MAP4: variants seen among roughly 807,000 people sequenced by gnomAD.
MAP4 encodes the protein microtubule-associated protein 4.
A neutral mutation model predicts 170.2 loss-of-function variants in MAP4; 76 were observed. The observed-to-expected ratio is 0.45, with a 90% confidence interval of 0.37 to 0.54. The LOEUF (loss-of-function observed/expected upper bound fraction) is 0.54, where lower values mean the gene tolerates loss of function less well. MAP4 is among the 20% of genes least tolerant of loss of function. The pLI, the probability that MAP4 is intolerant of heterozygous loss-of-function variation, is 0.00. For synonymous variants in MAP4, 909 were observed against 994.5 expected (o/e 0.91, Z 1.62); for missense variants, 2,506 against 2,748.0 (o/e 0.91, Z 1.97).
rs146851072 is a variant in MAP4 at position 47,916,003 on chromosome 3, T to C, written c.1824A>G (p.Glu608=). The stretch of plus-strand genomic sequence containing the variant: ...CTGACTGCCCCACATCCTGCAGAGA[T>C]TCTAAATGGGAATCCTCACTTATTC... ...QKGISEDSHL[E]SLQDVGQSAA... is the part of the protein sequence containing the mutation. The change falls in exon 7 of 21, where the codon GAA becomes GAG. Residue 608 remains glutamate (E), a synonymous_variant. Transcript: ENST00000683076. The C allele has an allele frequency of 1.2e-6, 2 of 1,614,074 alleles. No individual in the cohort carries two copies. The highest frequency in any genetic ancestry group is 1.7e-6 in the Non-Finnish European group (2 of 1,180,014).
rs1491497294 is a variant in MAP4 at position 47,897,950 on chromosome 3, G to GGGA, written c.5434+4999_5434+5000insTCC. 4.2e-4 allele frequency among the ~76,000 whole-genome samples: 56 copies of GGGA among 134,574 alleles called. 2 individuals are homozygous for GGGA. The highest frequency in any genetic ancestry group is 1.5e-3 in the African/African-American group (53 of 34,576). 88.3% of individuals were successfully genotyped at this position (134,574 alleles called of 152,430 possible). Reference sequence around the variant, plus strand: ...GAGTGAGACTCCATATCGGGGGGGGGAAAAAAAAAAAAGAAAGAATGGTCC... The same window carrying GGGA: ...GAGTGAGACTCCATATCGGGGGGGGGGGAAAAAAAAAAAAAGAAAGAATGGTCC... On this transcript the variant is annotated intron_variant, in intron 10 of 20. Transcript: ENST00000683076.
chr3:48,033,394 A>T (rs2100117172), intron 1 of MAP4, among the ~76,000 whole-genome samples: 1 of 152,178 alleles, frequency 6.6e-6, no homozygotes, highest in African/African-American at 2.4e-5. Context: ...TACAGTTAGT[A>T]TCTATGATGT....
chr3:47,869,756 G>T (rs2087859756), intron 15 of MAP4, among the ~76,000 whole-genome samples: 1 of 152,076 alleles, frequency 6.6e-6, no homozygotes, highest in Admixed American at 6.6e-5. Context: ...AGACTCTTTA[G>T]GTATGTTGAA....
At chr3:47,988,591 T>A (rs2100090341) in intron 2 of MAP4, among the ~76,000 whole-genome samples, 1 of 152,164 alleles carries the variant, frequency 6.6e-6, no homozygotes, top group Admixed American at 6.5e-5. Flanking sequence ...GAAAGTGAAA[T>A]ATTTTACAAA....
At chr3:48,047,998 G>T (rs2100125487) in intron 1 of MAP4, among the ~76,000 whole-genome samples, 1 of 152,170 alleles carries the variant, frequency 6.6e-6, no homozygotes, top group African/African-American at 2.4e-5. Context: ...CATCTACTTG[G>T]AAGGCTGAGA....
chr3:47,997,689 A>C (rs1392889738), intron 2 of MAP4, among the ~76,000 whole-genome samples: 1 of 151,966 alleles, frequency 6.6e-6, no homozygotes, highest in African/African-American at 2.4e-5. Flanking sequence ...CAATTGATAA[A>C]CCTCTACCTA....
intron 1 of MAP4, among the ~76,000 whole-genome samples, chr3:48,036,135 C>T (rs1300691118): frequency 6.6e-6 from 1 of 152,190 alleles, no homozygotes; most frequent in East Asian, 1.9e-4. Flanking sequence ...TGGCACAACT[C>T]TTAATTTACT....
At position 48,072,048 on chromosome 3, in the gene MAP4, C is replaced by A. The variant is rs190002273; in HGVS notation, c.-20+16725G>T. ...CCAGCCTGGCTACTAAAAACATAAA[C>A]ATTAGCCAGGCATGGTGACATGCGC... On this transcript the variant is annotated intron_variant, in intron 1 of 18. Coordinates refer to the MAP4 transcript ENST00000360240. Among the ~76,000 whole-genome samples the A allele has an allele frequency of 4.1e-3, 621 of 151,942 alleles. 5 individuals carry two copies. Among genetic ancestry groups the A allele is most frequent in the African/African-American group, 0.014 (593 of 41,424 alleles).
rs1360525714 is a variant in MAP4, at chr3:47,916,339, T to C, written c.1488A>G (p.Thr496=). 6.2e-7 allele frequency: 1 copy of C among 1,614,146 alleles called. No individual in the cohort carries two copies. The highest frequency in any genetic ancestry group is 8.5e-7 in the Non-Finnish European group (1 of 1,180,052). The stretch of plus-strand genomic sequence containing the variant: ...CCTTCAACAAGCCCACTTCTTTTAC[T>C]GTGGACGGAGCCACATCCTTGGCCG... The part of the protein sequence containing the change: ...IAPAKDVAPS[T]VKEVGLLKDM... The change falls in exon 7 of 21, where the codon ACA becomes ACG. Residue 496 remains threonine, a synonymous_variant. Coordinates refer to ENST00000683076, the MANE Select transcript of MAP4 (RefSeq NM_001385682.1).
At chr3:48,074,109 C>T (rs2100142411) in intron 1 of MAP4, among the ~76,000 whole-genome samples, 1 of 151,910 alleles carries the variant, frequency 6.6e-6, no homozygotes, top group Non-Finnish European at 1.5e-5. Context: ...ACATATACAC[C>T]ATGGAACACT....
chr3:48,050,447 T>A (rs2154548543), intron 1 of MAP4, among the ~76,000 whole-genome samples: 1 of 151,682 alleles, frequency 6.6e-6, no homozygotes, highest in South Asian at 2.1e-4. Context: ...GAAATCCAAA[T>A]AATAAATGTG....
At chr3:48,055,503 G>C (rs1453621250) in intron 1 of MAP4, among the ~76,000 whole-genome samples, 2 of 147,746 alleles carry the variant, frequency 1.4e-5, no homozygotes, top group Non-Finnish European at 3.0e-5. Context: ...CGTTCACTCA[G>C]TGCTCAATGG....
intron 1 of MAP4, among the ~76,000 whole-genome samples, chr3:48,026,722 C>T (rs967085805): frequency 6.6e-6 from 1 of 152,062 alleles, no homozygotes; most frequent in African/African-American, 2.4e-5. Context: ...TTAAGTTATG[C>T]CATTATCTTA....
At chr3:47,972,237 G>A (rs1482106776) in intron 3 of MAP4, among the ~76,000 whole-genome samples, 2 of 152,174 alleles carry the variant, frequency 1.3e-5, no homozygotes, top group Admixed American at 6.5e-5. Flanking sequence ...AGGGAACTGC[G>A]CATTTTGTTG....
In MAP4 at chr3:47,987,407, T is replaced by C. The variant is rs916764975; in HGVS notation, c.224-9474A>G. 10 of 1,533,080 alleles carry C rather than the reference T, an allele frequency of 6.5e-6. No individual in the cohort carries two copies. The African/African-American group carries it at 1.2e-4, about 19-fold the overall frequency. The allele number at this position is 1,533,080 out of a possible 1,614,324, so 95.0% of individuals were successfully genotyped here. A position where few individuals can be genotyped will look rare whatever the true frequency, so the allele number is the denominator to read the frequency against. ...CCAAGAGGAAGATGAAAAGAAAGGC[T>C]GGCAGGGTGTGGGGGTAGTGGGAGG... On this transcript the variant is annotated intron_variant, in intron 2 of 20. Coordinates refer to ENST00000683076, the MANE Select transcript of MAP4 (RefSeq NM_001385682.1).
chr3:47,914,295 C>T (rs1052021542), intron 8 of MAP4, among the ~76,000 whole-genome samples: 3 of 152,096 alleles, frequency 2.0e-5, no homozygotes, highest in Admixed American at 6.5e-5. Context: ...CGGTCGCTCA[C>T]GCCTGTAATC....
chr3:48,085,191 TAAAAAAA>T (rs896066878), intron 1 of MAP4, among the ~76,000 whole-genome samples: 2 of 98,844 alleles, frequency 2.0e-5, no homozygotes, highest in African/African-American at 3.8e-5. Context: ...GCTTAATCTT[TAAAAAAA>T]AAAAAAAAAA....
In MAP4 at chr3:47,916,369, T is replaced by C. The variant is rs1412911614; in HGVS notation, c.1458A>G (p.Ile486Met). The change falls in exon 7 of 21, where the codon ATA becomes ATG. Residue 486 changes from isoleucine (I) to methionine (M), a missense_variant. Ile to Met is a conservative substitution (Grantham distance 10). Coordinates refer to ENST00000683076, the MANE Select transcript of MAP4 (RefSeq NM_001385682.1). The stretch of plus-strand genomic sequence containing the variant: ...ACGGAGCCACATCCTTGGCCGGGGC[T>C]ATTTCTGTTTCTGGGAGTTGAGCCA... ...KDMAQLPETE[I>M]APAKDVAPST... 7 of 1,614,062 alleles carry C rather than the reference T, an allele frequency of 4.3e-6. No homozygotes were observed. The highest frequency in any genetic ancestry group is 3.3e-4 in the Middle Eastern group (2 of 6,084).
chr3:47,862,451 TA>T (rs2068814070), intron 17 of MAP4, among the ~76,000 whole-genome samples: 1 of 151,502 alleles, frequency 6.6e-6, no homozygotes, highest in African/African-American at 2.4e-5. Flanking sequence ...TTATTAGTGT[TA>T]CTATTTTAAA....
Sources: allele counts gnomAD v4.1 joint callset (sites outside exome capture counted in the v4.1 genomes callset), GRCh38; gene constraint gnomAD v4.1.1; transcripts MANE v1.5; gene names NCBI Gene and HGNC (gene_info 2026-07-23, HGNC 2026-07-21).